The following RASA3 variants were observed in gnomAD, a reference collection of about 807,000 sequenced individuals.
RASA3 encodes the protein RAS p21 protein activator 3.
In RASA3, 73 loss-of-function variants were observed where a neutral mutation model predicts 110.0. That is an observed-to-expected ratio of 0.66 (90% confidence interval 0.55 to 0.81). The LOEUF (loss-of-function observed/expected upper bound fraction) is 0.81, where lower values mean the gene tolerates loss of function less well. RASA3 is among the 30% of genes least tolerant of loss of function. The pLI is 0.00. For missense variants in RASA3, 976 were observed against 1,113.2 expected (o/e 0.88, Z 1.75); for synonymous variants, 500 against 451.4 (o/e 1.11, Z -1.37).
chr13:114,041,013 T>A lies in RASA3; in HGVS notation c.359A>T (p.Asp120Val). 1 of 1,613,606 alleles carries A rather than the reference T, an allele frequency of 6.2e-7. No individual in the cohort carries two copies. The highest frequency in any genetic ancestry group is 1.1e-5 in the South Asian group (1 of 91,076). Residue 120 changes from aspartate to valine, a missense_variant, in exon 4 of 24, where the codon GAC becomes GTC. Asp to Val is a radical substitution (Grantham distance 152). Coordinates refer to ENST00000334062, the MANE Select transcript of RASA3 (RefSeq NM_007368.4). ...TWFQLQHVDA[D>V]SEVQGKVHLE... is the part of the protein sequence containing the mutation. ...CGAGAGTCTCACCTGCACTTCCGAGTCAGCGTCCACGTGCTGCAGCTGGAA... is the reference window on the plus strand; with the variant it reads ...CGAGAGTCTCACCTGCACTTCCGAGACAGCGTCCACGTGCTGCAGCTGGAA...
Position 113,983,461 on chromosome 13 carries a change from G to A in RASA3, c.2246-1603C>T, listed in dbSNP as rs182754682. ...TCCTCCTGACCGCTGACAGCAAAATGTGGGGAGAGAGATGATTTGAAGGTG... is the reference window on the plus strand; with the variant it reads ...TCCTCCTGACCGCTGACAGCAAAATATGGGGAGAGAGATGATTTGAAGGTG... On this transcript the variant is annotated intron_variant, in intron 22 of 23. Coordinates refer to ENST00000334062, the MANE Select transcript of RASA3 (RefSeq NM_007368.4). Among the ~76,000 whole-genome samples, 4 of 119,706 alleles carry A rather than the reference G, an allele frequency of 3.3e-5. 1 individual carries two copies. The highest frequency in any genetic ancestry group is 7.7e-5 in the Non-Finnish European group (4 of 51,878). 78.5% of individuals were successfully genotyped at this position (119,706 alleles called of 152,430 possible).
At position 114,114,378 on chromosome 13, in the gene RASA3, A is replaced by G. The variant is rs1215820282; in HGVS notation, c.55+18057T>C. On this transcript the variant is annotated intron_variant, in intron 1 of 23. Coordinates refer to ENST00000334062, the MANE Select transcript of RASA3 (RefSeq NM_007368.4). This position sits in a 1 kb window ranked among gnomAD's most constrained non-coding sequence, Gnocchi z 4.8. The stretch of plus-strand genomic sequence containing the variant: ...AACTCCTCTAGAAACATTCTCTGGG[A>G]TATCTTGACCTGGCACGCAGAGGGG... Among the ~76,000 whole-genome samples, 1 of 152,272 alleles carries G rather than the reference A, an allele frequency of 6.6e-6. No homozygotes were observed.
intron 18 of RASA3, among the ~76,000 whole-genome samples, chr13:114,003,772 A>T (rs2053455766): frequency 6.6e-6 from 1 of 152,208 alleles, no homozygotes; most frequent in Admixed American, 6.5e-5. Flanking sequence ...CTACCTATTT[A>T]AAAAAGTTTT....
chr13:113,999,134 G>A (rs1255679549), intron 20 of RASA3, among the ~76,000 whole-genome samples: 2 of 71,314 alleles, frequency 2.8e-5, no homozygotes, highest in East Asian at 5.9e-4. Context: ...ACCGGGGAAC[G>A]AGGCCACACA....
At chr13:114,067,035 G>A (rs1273995479) in intron 2 of RASA3, among the ~76,000 whole-genome samples, 2 of 148,928 alleles carry the variant, frequency 1.3e-5, no homozygotes, top group South Asian at 2.2e-4. Flanking sequence ...CCCTGACCTG[G>A]GCTGAGGACT....
At chr13:114,007,777 T>C (rs1319607863) in intron 17 of RASA3, among the ~76,000 whole-genome samples, 171 bp from the exon 18 acceptor site, 1 of 152,216 alleles carries the variant, frequency 6.6e-6, no homozygotes, top group Non-Finnish European at 1.5e-5. Flanking sequence ...CTCCCCACTG[T>C]GCCACCCCAG....
At chr13:114,072,778 T>G (rs1441221075) in intron 2 of RASA3, among the ~76,000 whole-genome samples, 1 of 152,202 alleles carries the variant, frequency 6.6e-6, no homozygotes, top group Admixed American at 6.5e-5. Flanking sequence ...AATGGGAAGG[T>G]GATGTACATG....
chr13:114,040,941 T>A (rs887127794), intron 4 of RASA3, 59 bp downstream of exon 4: 102 of 1,536,000 alleles, frequency 6.6e-5, no homozygotes, highest in Non-Finnish European at 9.1e-5. Flanking sequence ...GCCGGGCCCG[T>A]CTCGAAGCCC....
At chr13:114,038,430 G>T in intron 4 of RASA3, among the ~76,000 whole-genome samples, 1 of 152,382 alleles carries the variant, frequency 6.6e-6, no homozygotes, top group South Asian at 2.1e-4. Context: ...TCCACAGCAC[G>T]TGTGGGTTCC....
At chr13:114,041,141 G>A (rs996876408) in intron 3 of RASA3, 47 bp from the exon 4 acceptor site, 4 of 1,526,078 alleles carry the variant, frequency 2.6e-6, no homozygotes, top group African/African-American at 1.4e-5. Context: ...AGGCCCCAGA[G>A]CCAGGACGCC....
intron 1 of RASA3, among the ~76,000 whole-genome samples, chr13:114,110,067 C>G (rs1476059833): frequency 6.6e-6 from 1 of 152,260 alleles, no homozygotes; most frequent in Non-Finnish European, 1.5e-5. Flanking sequence ...TCACAGAAAC[C>G]TGACCAGTCA....
At position 114,096,475 on chromosome 13, in the gene RASA3, G is replaced by A. The variant is rs955251860; in HGVS notation, c.56-22638C>T. 2.0e-5 allele frequency among the ~76,000 whole-genome samples: 3 copies of A among 152,124 alleles called. No homozygotes were observed. Among genetic ancestry groups the A allele is most frequent in the African/African-American group, 4.8e-5 (2 of 41,422 alleles). On this transcript the variant is annotated intron_variant, in intron 1 of 23. Coordinates refer to ENST00000334062, the MANE Select transcript of RASA3 (RefSeq NM_007368.4). The surrounding 1 kb of genome is among the most constrained non-coding windows in gnomAD (Gnocchi z 5.1). Reference sequence around the variant, plus strand: ...CCTTCTCATAGCGCTCAGTACTGGGGACCCTGGCCGGGAAGTTTGCACAGA... The same window carrying A: ...CCTTCTCATAGCGCTCAGTACTGGGAACCCTGGCCGGGAAGTTTGCACAGA...
At position 113,981,678 on chromosome 13, in the gene RASA3, C is replaced by T; in HGVS notation, c.2426G>A (p.Ser809Asn). 2 of 1,613,674 alleles carry T rather than the reference C, an allele frequency of 1.2e-6. No individual in the cohort carries two copies. The highest frequency in any genetic ancestry group is 1.7e-6 in the Non-Finnish European group (2 of 1,179,840). The change falls in exon 23 of 24, where the codon AGC (serine) becomes AAC (asparagine). Residue 809 changes from serine to asparagine, a missense_variant. Physicochemically the swap from Ser to Asn is conservative, Grantham distance 46. This residue lies in a region of RASA3 where 132 missense variants were observed against 152.8 expected (regional missense o/e 0.86). Coordinates refer to ENST00000334062, the MANE Select transcript of RASA3 (RefSeq NM_007368.4). ...RDKFKKTKYG[S>N]QEHPIGDKSF... Reference sequence around the variant, plus strand: ...CAGGCACGGGAGTGGCACTCACTGGCTTCCATATTTCGTCTTCTTGAACTT... The same window carrying T: ...CAGGCACGGGAGTGGCACTCACTGGTTTCCATATTTCGTCTTCTTGAACTT...
At chr13:114,006,019 G>A (rs142698677) in intron 18 of RASA3, among the ~76,000 whole-genome samples, 2 of 9,466 alleles carry the variant, frequency 2.1e-4, no homozygotes, top group South Asian at 6.1e-3. Context: ...CCTGCCGGAC[G>A]CCACCTTACC....
In RASA3 at chr13:114,122,188, G is replaced by A. The variant is rs138800034; in HGVS notation, c.55+10247C>T. On this transcript the variant is annotated intron_variant, in intron 1 of 23. Coordinates refer to ENST00000334062, the MANE Select transcript of RASA3 (RefSeq NM_007368.4). ...GCTCCAGCCTTCAGGGCCCCTCCGCGGTCAGCCCCACCCCCGGCCAGCAAG... is the reference window on the plus strand; with the variant it reads ...GCTCCAGCCTTCAGGGCCCCTCCGCAGTCAGCCCCACCCCCGGCCAGCAAG... 3.6e-3 allele frequency among the ~76,000 whole-genome samples: 542 copies of A among 152,324 alleles called. 2 individuals carry two copies. Among genetic ancestry groups the A allele is most frequent in the Non-Finnish European group, 6.3e-3 (431 of 68,018 alleles).
At chr13:113,982,186 C>T (rs1055876584) in intron 22 of RASA3, among the ~76,000 whole-genome samples, 7 of 152,308 alleles carry the variant, frequency 4.6e-5, no homozygotes, top group East Asian at 3.9e-4. Flanking sequence ...CATCTCTGCA[C>T]GCCCCACCAG....
intron 8 of RASA3, among the ~76,000 whole-genome samples, chr13:114,022,975 A>G (rs191156293): frequency 8.9e-4 from 136 of 152,312 alleles, no homozygotes; most frequent in Admixed American, 4.4e-3. Flanking sequence ...CGTCAGGGAC[A>G]TTCTATGGTT....
chr13:113,992,536 G>A lies in RASA3; in HGVS notation c.2194C>T (p.Arg732Cys). The A allele has an allele frequency of 3.1e-6, 5 of 1,613,596 alleles. No homozygotes were observed. Among genetic ancestry groups the A allele is most frequent in the East Asian group, 2.2e-5 (1 of 44,886 alleles). The change falls in exon 22 of 24, where the codon CGT becomes TGT. Residue 732 changes from arginine to cysteine, a missense_variant. Arg to Cys is a radical substitution (Grantham distance 180, BLOSUM62 -3). Coordinates refer to ENST00000334062, the MANE Select transcript of RASA3 (RefSeq NM_007368.4). ...TACAAGTTGAAGAGGGAGTAGATACGCTCCGTCTCACGGTCCCCATCAATG... is the reference window on the plus strand; with the variant it reads ...TACAAGTTGAAGAGGGAGTAGATACACTCCGTCTCACGGTCCCCATCAATG... ...LDIDGDRETE[R>C]IYSLFNLYMS...
intron 2 of RASA3, among the ~76,000 whole-genome samples, chr13:114,059,953 G>A (rs58978638): frequency 0.068 from 10,394 of 152,364 alleles, 853 homozygotes; most frequent in African/African-American, 0.17. Context: ...CAAGGCTGGC[G>A]GGGGCAGCAC....
Sources: allele counts gnomAD v4.1 joint callset (sites outside exome capture counted in the v4.1 genomes callset), GRCh38; gene constraint gnomAD v4.1.1; regional missense constraint gnomAD v4.1.1; non-coding constraint Gnocchi (gnomAD v3.1); transcripts MANE v1.5; gene names NCBI Gene and HGNC (gene_info 2026-07-23, HGNC 2026-07-21).